TMPRSS6: variants seen among roughly 807,000 people sequenced by gnomAD.
TMPRSS6 encodes the protein transmembrane protease serine 6.
Under a neutral mutation model 101.5 loss-of-function variants are expected in TMPRSS6, and 67 were observed. That is an observed-to-expected ratio of 0.66 (90% CI 0.54 to 0.81). The LOEUF (loss-of-function observed/expected upper bound fraction) is 0.81, where lower values mean the gene tolerates loss of function less well. Ranked by LOEUF, TMPRSS6 falls within the 30% of genes least tolerant of loss-of-function variation. TMPRSS6 has a pLI of 0.00. For synonymous variants in TMPRSS6, 453 were observed against 464.9 expected (o/e 0.97, Z 0.33); for missense variants, 1,034 against 1,088.7 (o/e 0.95, Z 0.71).
intron 12 of TMPRSS6, among the ~76,000 whole-genome samples, chr22:37,074,003 C>A (rs1160289756): frequency 4.6e-5 from 7 of 152,164 alleles, no homozygotes; most frequent in African/African-American, 1.7e-4. Flanking sequence ...CTCGACTCCG[C>A]CTCCCAAAGT....
rs761428171 is a variant in TMPRSS6 at position 37,069,373 on chromosome 22, G to GGGTGA, written c.1842-34_1842-30dup. The GGGTGA allele has an allele frequency of 3.9e-6, 5 of 1,293,582 alleles. No individual in the cohort carries two copies. The highest frequency in any genetic ancestry group is 2.7e-5 in the South Asian group (2 of 74,324). The allele number at this position is 1,293,582 out of a possible 1,614,324, so 80.1% of individuals were successfully genotyped here. A position where few individuals can be genotyped will look rare whatever the true frequency, so the allele number is the denominator to read the frequency against. ...GGGTGGGGTGGGGTGGGGTGGGGTG[G>GGGTGA]GGTGAGGTGAGGTGGGAGGAAGCTG... On this transcript the variant is annotated intron_variant, in intron 15 of 17. Coordinates refer to ENST00000676104, the MANE Select transcript of TMPRSS6 (RefSeq NM_001374504.1). The surrounding 1 kb of genome is among the most constrained non-coding windows in gnomAD (Gnocchi z 4.8).
chr22:37,066,329 G>A lies in TMPRSS6; in HGVS notation c.2251-91C>T, dbSNP rs1432775169. The A allele has an allele frequency of 2.3e-6, 3 of 1,278,052 alleles. No individual in the cohort carries two copies. The Admixed American group carries it at 7.4e-5, about 31-fold the overall frequency. 79.2% of individuals were successfully genotyped at this position (1,278,052 alleles called of 1,614,324 possible). A position where few individuals can be genotyped will look rare whatever the true frequency, so the allele number is the denominator to read the frequency against. ...CATAGGGATTAAGTCCTGACTGTTG[G>A]GAATTGACTGGGTGCCAGAGTCACG... On this transcript the variant is annotated intron_variant, in intron 17 of 17. Transcript: ENST00000676104.
chr22:37,069,367 G>C lies in TMPRSS6; in HGVS notation c.1842-23C>G. 1 of 1,488,794 alleles carries C rather than the reference G, an allele frequency of 6.7e-7. No individual in the cohort carries two copies. Among genetic ancestry groups the C allele is most frequent in the Non-Finnish European group, 9.1e-7 (1 of 1,101,592 alleles). The allele number at this position is 1,488,794 out of a possible 1,614,324, so 92.2% of individuals were successfully genotyped here. A position where few individuals can be genotyped will look rare whatever the true frequency, so the allele number is the denominator to read the frequency against. Reference sequence around the variant, plus strand: ...ATGCTGGGGTGGGGTGGGGTGGGGTGGGGTGGGGTGAGGTGAGGTGGGAGG... The same window carrying C: ...ATGCTGGGGTGGGGTGGGGTGGGGTCGGGTGGGGTGAGGTGAGGTGGGAGG... On this transcript the variant is annotated intron_variant, in intron 15 of 17. Transcript: ENST00000676104. The surrounding 1 kb of genome is among the most constrained non-coding windows in gnomAD (Gnocchi z 4.8).
upstream of TMPRSS6, among the ~76,000 whole-genome samples, chr22:37,110,450 C>CGCAG (rs1930988532): frequency 6.6e-6 from 1 of 152,052 alleles, no homozygotes; most frequent in South Asian, 2.1e-4. Flanking sequence ...AGCATGAATT[C>CGCAG]CTACCTGGTT....
chr22:37,086,460 G>GGA, intron 7 of TMPRSS6, 41 bp from the exon 8 acceptor site: 1 of 1,554,528 alleles, frequency 6.4e-7, no homozygotes, highest in East Asian at 2.4e-5. Flanking sequence ...CTGGGGTCTG[G>GGA]GAGGGGAGTG....
Position 37,091,959 on chromosome 22 carries a change from C to A in TMPRSS6, c.632-2177G>T, listed in dbSNP as rs60602993. Among the ~76,000 whole-genome samples, 271 of 152,296 alleles carry A rather than the reference C, an allele frequency of 1.8e-3. 9 individuals carry two copies. In the East Asian group the frequency reaches 0.05, roughly 28 times the overall value. On this transcript the variant is annotated intron_variant, in intron 6 of 17. Transcript: ENST00000676104. The stretch of plus-strand genomic sequence containing the variant: ...GCTGACCTCCCCAGAGAGAGAACAA[C>A]AATGTCTGCCTAGGGAAGGGACAGG...
Position 37,065,992 on chromosome 22 carries a change from C to T in TMPRSS6, c.*88G>A. On this transcript the variant is annotated 3_prime_UTR_variant, in exon 18 of 18. Transcript: ENST00000676104. Reference sequence around the variant, plus strand: ...CAGGGCCTGCTCTCTCCCCCACCCCCCGCCAGAATACTTGTCCCCCTGCTT... The same window carrying T: ...CAGGGCCTGCTCTCTCCCCCACCCCTCGCCAGAATACTTGTCCCCCTGCTT... 2 of 1,577,428 alleles carry T rather than the reference C, an allele frequency of 1.3e-6. No individual in the cohort carries two copies. Among genetic ancestry groups the T allele is most frequent in the Non-Finnish European group, 1.7e-6 (2 of 1,151,156 alleles).
intron 16 of TMPRSS6, among the ~76,000 whole-genome samples, chr22:37,067,194 GGCAC>G (rs1380891211): frequency 6.6e-6 from 1 of 152,182 alleles, no homozygotes; most frequent in Non-Finnish European, 1.5e-5. Flanking sequence ...TGGAGGGCCG[GGCAC>G]GGTGGCTCAT....
In TMPRSS6 at chr22:37,069,829, G is replaced by A. The variant is rs1160297004; in HGVS notation, c.1842-485C>T. ...ATTGGACTGCGGCAGTCAGCTGCCT[G>A]GGTGGCAGATGGGCAGCCTTCGGGT... On this transcript the variant is annotated intron_variant, in intron 15 of 17. Coordinates refer to ENST00000676104, the MANE Select transcript of TMPRSS6 (RefSeq NM_001374504.1). This position sits in a 1 kb window ranked among gnomAD's most constrained non-coding sequence, Gnocchi z 4.8. Among the ~76,000 whole-genome samples the A allele has an allele frequency of 2.0e-5, 3 of 152,354 alleles. No homozygotes were observed. Among genetic ancestry groups the A allele is most frequent in the Admixed American group, 2.0e-4 (3 of 15,310 alleles).
chr22:37,105,091 T>C (rs1160023669), intron 1 of TMPRSS6, among the ~76,000 whole-genome samples: 1 of 152,178 alleles, frequency 6.6e-6, no homozygotes, highest in African/African-American at 2.4e-5. Flanking sequence ...CTCAAAGTCC[T>C]CCCAGGTGGA....
intron 1 of TMPRSS6, among the ~76,000 whole-genome samples, chr22:37,108,378 C>T (rs912272401): frequency 1.3e-5 from 2 of 152,208 alleles, no homozygotes; most frequent in Non-Finnish European, 2.9e-5. Context: ...TCGCGATGTG[C>T]AGCTTACCTG....
chr22:37,083,006 C>T, intron 10 of TMPRSS6: 1 of 471,072 alleles, frequency 2.1e-6, no homozygotes. Context: ...GAACACACAC[C>T]CCAGAAATCC....
In TMPRSS6 at chr22:37,069,082, G is replaced by T. The variant is rs1278167761; in HGVS notation, c.2104C>A (p.Arg702Ser). 6.5e-7 allele frequency: 1 copy of T among 1,543,582 alleles called. No individual in the cohort carries two copies. The highest frequency in any genetic ancestry group is 8.7e-7 in the Non-Finnish European group (1 of 1,149,590). The change falls in exon 16 of 18, where the codon CGC becomes AGC. Residue 702 changes from arginine (R) to serine (S), a missense_variant. Coordinates refer to ENST00000676104, the MANE Select transcript of TMPRSS6 (RefSeq NM_001374504.1). This position sits in a 1 kb window ranked among gnomAD's most constrained non-coding sequence, Gnocchi z 4.8. ...HCWITGWGALREGGPISNALQ... is the reference protein window; with the variant it reads ...HCWITGWGALSEGGPISNALQ... The stretch of plus-strand genomic sequence containing the variant: ...AGTCCCCGCTGCTCACCGCCCTCGC[G>T]CAAGGCGCCCCAGCCCGTAATCCAG...
intron 3 of TMPRSS6, 30 bp downstream of exon 3, chr22:37,098,386 C>T: frequency 6.2e-7 from 1 of 1,613,980 alleles, no homozygotes; most frequent in African/African-American, 1.3e-5. Flanking sequence ...CCCATATTCC[C>T]TCCCTCTCAT....
At chr22:37,082,803 A>G (rs1928372026) in intron 10 of TMPRSS6, 2 of 365,862 alleles carry the variant, frequency 5.5e-6, no homozygotes, top group Non-Finnish European at 1.1e-5. Flanking sequence ...GCCCAAAGTC[A>G]CTCCCCATGT....
Position 37,073,539 on chromosome 22 carries a change from G to A in TMPRSS6, c.1548C>T (p.Cys516=), listed in dbSNP as rs1488920699. Residue 516 remains cysteine, a synonymous_variant, in exon 13 of 18, where the codon TGC becomes TGT. Coordinates refer to ENST00000676104, the MANE Select transcript of TMPRSS6 (RefSeq NM_001374504.1). ...CGGCTAGGCCTGCCCTACCTTCCTG[G>A]CACTGCTCTTCGTCGCTGCCGTTGA... The part of the protein sequence containing the change: ...DCLNGSDEEQ[C]QEGVPCGTFT... The A allele has an allele frequency of 6.2e-7, 1 of 1,611,730 alleles. No homozygotes were observed.
chr22:37,086,107 G>A lies in TMPRSS6; in HGVS notation c.973+176C>T, dbSNP rs1464074274. 4.3e-5 allele frequency among the ~76,000 whole-genome samples: 6 copies of A among 139,070 alleles called. No homozygotes were observed. In the East Asian group the frequency reaches 1.5e-3, roughly 34 times the overall value. The allele number at this position is 139,070 out of a possible 152,430, so 91.2% of individuals were successfully genotyped here. On this transcript the variant is annotated intron_variant, in intron 8 of 17. Coordinates refer to ENST00000676104, the MANE Select transcript of TMPRSS6 (RefSeq NM_001374504.1). ...GGAAGAGGGGGGTGGAAGTGCAAAC[G>A]ACGGAAGGAAGAGGGGGGCCGGGGT...
At position 37,067,006 on chromosome 22, in the gene TMPRSS6, G is replaced by A. The variant is rs757851437; in HGVS notation, c.2114-44C>T. 3.1e-6 allele frequency: 5 copies of A among 1,613,312 alleles called. No homozygotes were observed. In the East Asian group the frequency reaches 6.7e-5, roughly 22 times the overall value. On this transcript the variant is annotated intron_variant, in intron 16 of 17. Transcript: ENST00000676104. ...AGAAGTGAGATCTCAGGAGCCTGGA[G>A]CCCCTGTTCTCTATTCTCCCTAACA...
chr22:37,073,975 C>T (rs1213151489), intron 12 of TMPRSS6, among the ~76,000 whole-genome samples: 1 of 152,126 alleles, frequency 6.6e-6, no homozygotes, highest in African/African-American at 2.4e-5. Context: ...TCTTGAACTC[C>T]TGACCTCAGG....
Sources: allele counts gnomAD v4.1 joint callset (sites outside exome capture counted in the v4.1 genomes callset), GRCh38; gene constraint gnomAD v4.1.1; non-coding constraint Gnocchi (gnomAD v3.1); transcripts MANE v1.5; gene names NCBI Gene and HGNC (gene_info 2026-07-23, HGNC 2026-07-21).